ANKRD30B: variants seen among roughly 807,000 people sequenced by gnomAD.
The protein encoded by ANKRD30B is ankyrin repeat domain-containing protein 30B.
In ANKRD30B, 144 loss-of-function variants were observed where a neutral mutation model predicts 202.2. The ratio of observed to expected loss-of-function variants is 0.71; its 90% CI spans 0.62 to 0.82. The LOEUF is 0.82. ANKRD30B is among the 40% of genes least tolerant of loss of function. The pLI is 0.00. For missense variants in ANKRD30B, 1,487 were observed against 1,669.1 expected (o/e 0.89, Z 1.90); for synonymous variants, 508 against 561.3 (o/e 0.91, Z 1.34).
chr18:14,817,556 A>C (rs1221420869), intron 30 of ANKRD30B, among the ~76,000 whole-genome samples: 1 of 152,090 alleles, frequency 6.6e-6, no homozygotes, highest in Non-Finnish European at 1.5e-5. Context: ...TCATCTCTGC[A>C]TGTTTTGCTT....
At chr18:14,821,473 G>T (rs1451390081) in intron 30 of ANKRD30B, among the ~76,000 whole-genome samples, 1 of 151,530 alleles carries the variant, frequency 6.6e-6, no homozygotes, top group Non-Finnish European at 1.5e-5. Context: ...TTTTTCTTTT[G>T]TTGAGACAGA....
chr18:14,888,993 T>C, the ANKRD30B span: 4 of 515,904 alleles, frequency 7.8e-6, no homozygotes, highest in Admixed American at 7.8e-5. Context: ...TTTGTTAGAA[T>C]TGAAACATAC....
the ANKRD30B span, among the ~76,000 whole-genome samples, chr18:14,863,142 G>A: frequency 3.7e-3 from 566 of 152,272 alleles, 1 homozygote; most frequent in African/African-American, 0.013. Context: ...GATGATAATT[G>A]TATTGTGCAA....
At chr18:14,850,766 C>T (rs1212431011) in intron 41 of ANKRD30B, among the ~76,000 whole-genome samples, 4 of 151,832 alleles carry the variant, frequency 2.6e-5, no homozygotes, top group Non-Finnish European at 5.9e-5. Flanking sequence ...CTAAGTAGGG[C>T]TCTCTAGATT....
chr18:14,792,506 A>G (rs1968590797), intron 16 of ANKRD30B, among the ~76,000 whole-genome samples: 1 of 152,064 alleles, frequency 6.6e-6, no homozygotes. Context: ...TAAAGAAGAG[A>G]GATTATGAGG....
intron 35 of ANKRD30B, among the ~76,000 whole-genome samples, 157 bp from the exon 36 acceptor site, chr18:14,837,458 A>G (rs1259298952): frequency 6.7e-6 from 1 of 148,830 alleles, no homozygotes; most frequent in Non-Finnish European, 1.5e-5. Flanking sequence ...CATACTATCA[A>G]CTCTTTTTTT....
intron 20 of ANKRD30B, among the ~76,000 whole-genome samples, chr18:14,798,451 G>T (rs1170823647): frequency 6.6e-6 from 1 of 152,036 alleles, no homozygotes; most frequent in African/African-American, 2.4e-5. Flanking sequence ...CCTATGATTA[G>T]CAAGATATTA....
chr18:14,788,346 T>G (rs1647834568), intron 15 of ANKRD30B, among the ~76,000 whole-genome samples: 1 of 152,198 alleles, frequency 6.6e-6, no homozygotes, highest in South Asian at 2.1e-4. Flanking sequence ...CACATGAATG[T>G]AAAGATAAGC....
chr18:14,837,531 T>G, intron 35 of ANKRD30B, 84 bp from the exon 36 acceptor site: 1 of 1,111,404 alleles, frequency 9.0e-7, no homozygotes, highest in South Asian at 1.8e-5. Flanking sequence ...GAAATACTCA[T>G]AAATGGAAAT....
At chr18:14,789,677 G>C (rs144142509) in intron 15 of ANKRD30B, among the ~76,000 whole-genome samples, 2,356 of 152,150 alleles carry the variant, frequency 0.015, 65 homozygotes, top group African/African-American at 0.054. Context: ...TTTTTCTCAG[G>C]TTTGTCAAAG....
the ANKRD30B span, among the ~76,000 whole-genome samples, chr18:14,874,229 C>G: frequency 6.6e-6 from 1 of 152,052 alleles, no homozygotes; most frequent in African/African-American, 2.4e-5. Context: ...TTTCGAAGAC[C>G]CTGAACGCTC....
downstream of ANKRD30B, among the ~76,000 whole-genome samples, chr18:14,856,148 C>T (rs1370169264): frequency 1.4e-5 from 2 of 145,612 alleles, no homozygotes; most frequent in African/African-American, 2.5e-5. Flanking sequence ...CCTCACTTCC[C>T]AGATGGGACG....
At chr18:14,860,426 A>ATGGTG in the ANKRD30B span, among the ~76,000 whole-genome samples, 2 of 80,584 alleles carry the variant, frequency 2.5e-5, no homozygotes. Flanking sequence ...CAGATGGGGC[A>ATGGTG]GCCGGGAAGA....
At chr18:14,894,657 A>G in the ANKRD30B span, among the ~76,000 whole-genome samples, 1 of 151,816 alleles carries the variant, frequency 6.6e-6, no homozygotes, top group Non-Finnish European at 1.5e-5. Context: ...AAGAACTAGT[A>G]TCAACAAAGA....
the ANKRD30B span, chr18:14,905,416 A>AG: frequency 6.6e-6 from 1 of 152,220 alleles, no homozygotes; most frequent in South Asian, 2.1e-4. Flanking sequence ...GGGGACTTAC[A>AG]GGTAATAGGT....
At chr18:14,886,403 C>A in the ANKRD30B span, among the ~76,000 whole-genome samples, 10 of 151,866 alleles carry the variant, frequency 6.6e-5, no homozygotes, top group Admixed American at 2.6e-4. Context: ...CTAAAATTTG[C>A]ATAATAAATT....
rs767610498 is a variant in ANKRD30B, at chr18:14,808,585, T to A, written c.2313+6T>A. 1.5e-5 allele frequency: 23 copies of A among 1,559,620 alleles called. No homozygotes were observed. Among genetic ancestry groups the A allele is most frequent in the Non-Finnish European group, 1.8e-5 (20 of 1,136,540 alleles). On this transcript the variant is annotated splice_donor_region_variant and intron_variant, in intron 25 of 43. Transcript: ENST00000690538. Reference sequence around the variant, plus strand: ...ATAAAGATGGTCTTCTGAAGGTAATTACTTTTATATTTCTATGTTGAATAT... The same window carrying A: ...ATAAAGATGGTCTTCTGAAGGTAATAACTTTTATATTTCTATGTTGAATAT...
At chr18:14,849,020 A>C in intron 40 of ANKRD30B, 91 bp downstream of exon 40, 1 of 1,336,126 alleles carries the variant, frequency 7.5e-7, no homozygotes, top group Non-Finnish European at 9.6e-7. Flanking sequence ...ACCTTCTGAG[A>C]TTTAACTGGA....
chr18:14,857,580 C>T (rs1972130209), downstream of ANKRD30B, among the ~76,000 whole-genome samples: 1 of 194 alleles, frequency 5.2e-3, no homozygotes, highest in African/African-American at 5.6e-3. Flanking sequence ...CGCTCCTCAC[C>T]TCCCAGATGA....
Sources: allele counts gnomAD v4.1 joint callset (sites outside exome capture counted in the v4.1 genomes callset), GRCh38; gene constraint gnomAD v4.1.1; transcripts MANE v1.5; gene names NCBI Gene and HGNC (gene_info 2026-07-23, HGNC 2026-07-21).